Variants in GALNTL6 observed in about 807,000 individuals in gnomAD.
The protein encoded by GALNTL6 is polypeptide N-acetylgalactosaminyltransferase-like 6.
GALNTL6 carries 46 observed loss-of-function variants against 73.7 expected under a neutral mutation model. That is an observed-to-expected ratio of 0.62 (90% CI 0.49 to 0.80). The LOEUF (loss-of-function observed/expected upper bound fraction) is 0.80, where lower values mean the gene tolerates loss of function less well. Among genes scored for constraint, GALNTL6 ranks in the 30% least tolerant of loss-of-function variants. The pLI, the probability that GALNTL6 is intolerant of heterozygous loss-of-function variation, is 0.00. For synonymous variants in GALNTL6, 259 were observed against 263.7 expected (o/e 0.98, Z 0.17); for missense variants, 604 against 755.0 (o/e 0.80, Z 2.34).
chr4:171,942,151 G>A (rs565330683), intron 2 of GALNTL6, among the ~76,000 whole-genome samples: 1 of 151,956 alleles, frequency 6.6e-6, no homozygotes, highest in African/African-American at 2.4e-5. Flanking sequence ...AGCACTTTGG[G>A]AGGCCATGGT....
At chr4:172,466,902 GATTTGC>G (rs1561096493) in intron 5 of GALNTL6, among the ~76,000 whole-genome samples, 1 of 150,938 alleles carries the variant, frequency 6.6e-6, no homozygotes, top group Admixed American at 6.6e-5. Flanking sequence ...AATCTTACGA[GATTTGC>G]ATTTACATTT....
At position 172,552,844 on chromosome 4, in the gene GALNTL6, A is replaced by AAAAAAAAC. The variant is rs1553960363; in HGVS notation, c.553+204162_553+204163insCAAAAAAA. Among the ~76,000 whole-genome samples, 28 of 149,844 alleles carry AAAAAAAAC rather than the reference A, an allele frequency of 1.9e-4. No homozygotes were observed. In the South Asian group the frequency reaches 5.7e-3, roughly 31 times the overall value. The stretch of plus-strand genomic sequence containing the variant: ...GTGCAAAAGTAATTGCAGTAAAAAA[A>AAAAAAAAC]AAAAAAAAAAAAAGGTAAAAACCGC... On this transcript the variant is annotated intron_variant, in intron 5 of 12. Coordinates refer to ENST00000506823, the MANE Select transcript of GALNTL6 (RefSeq NM_001034845.3).
chr4:172,451,943 T>G (rs1419141724), intron 5 of GALNTL6, among the ~76,000 whole-genome samples: 1 of 152,124 alleles, frequency 6.6e-6, no homozygotes, highest in Non-Finnish European at 1.5e-5. Context: ...CCCGGGAAGT[T>G]GAGGCTGCAA....
At chr4:171,952,824 T>A (rs1738923539) in intron 2 of GALNTL6, among the ~76,000 whole-genome samples, 1 of 151,774 alleles carries the variant, frequency 6.6e-6, no homozygotes, top group African/African-American at 2.4e-5. Context: ...TACCTTTGGG[T>A]TATAGTGATT....
chr4:172,302,828 T>G lies in GALNTL6; in HGVS notation c.248-8786T>G, dbSNP rs571883996. Among the ~76,000 whole-genome samples, 4 of 152,126 alleles carry G rather than the reference T, an allele frequency of 2.6e-5. No homozygotes were observed. In the East Asian group the frequency reaches 7.7e-4, roughly 29 times the overall value. ...GGTAACTTTTTTTTTTAAGAAGGAA[T>G]CTATTCATTTAAGTTTGGCTGTTTG... On this transcript the variant is annotated intron_variant, in intron 3 of 12. Coordinates refer to ENST00000506823, the MANE Select transcript of GALNTL6 (RefSeq NM_001034845.3).
At chr4:172,101,288 C>T (rs1440357249) in intron 2 of GALNTL6, among the ~76,000 whole-genome samples, 2 of 152,132 alleles carry the variant, frequency 1.3e-5, no homozygotes, top group Non-Finnish European at 2.9e-5. Flanking sequence ...ATGCTCTTTC[C>T]AATCCATAGC....
intron 5 of GALNTL6, among the ~76,000 whole-genome samples, chr4:172,649,187 T>C (rs1280683076): frequency 1.3e-5 from 2 of 152,174 alleles, no homozygotes; most frequent in Non-Finnish European, 2.9e-5. Context: ...AGTCACATTC[T>C]CAGTTTATTT....
chr4:172,679,659 GTTA>G (rs1732520411), intron 5 of GALNTL6, among the ~76,000 whole-genome samples: 1 of 152,098 alleles, frequency 6.6e-6, no homozygotes, highest in South Asian at 2.1e-4. Context: ...TACTCAACCT[GTTA>G]TTATTATCAT....
In GALNTL6 at chr4:172,130,730, G is replaced by A. The variant is rs143431075; in HGVS notation, c.139-98926G>A. ...CATGATTTTTAACATGAAAATTACC[G>A]CAGTTTTATAGAACAGAAATTGAAA... On this transcript the variant is annotated intron_variant, in intron 2 of 12. Coordinates refer to ENST00000506823, the MANE Select transcript of GALNTL6 (RefSeq NM_001034845.3). Among the ~76,000 whole-genome samples the A allele has an allele frequency of 8.6e-3, 1,305 of 152,052 alleles. 5 individuals are homozygous for A. The highest frequency in any genetic ancestry group is 0.016 in the Admixed American group (246 of 15,252).
At chr4:172,757,167 C>G (rs1437256405) in intron 5 of GALNTL6, among the ~76,000 whole-genome samples, 1 of 152,114 alleles carries the variant, frequency 6.6e-6, no homozygotes, top group Non-Finnish European at 1.5e-5. Flanking sequence ...AACCTTTGCC[C>G]TCTGAAATAC....
At chr4:172,913,138 T>A (rs1485215743) in intron 8 of GALNTL6, among the ~76,000 whole-genome samples, 4 of 151,966 alleles carry the variant, frequency 2.6e-5, no homozygotes, top group African/African-American at 9.7e-5. Context: ...CTCCAACAGA[T>A]CTGCAGCTAA....
At chr4:172,740,787 A>C (rs1226212499) in intron 5 of GALNTL6, among the ~76,000 whole-genome samples, 1 of 152,094 alleles carries the variant, frequency 6.6e-6, no homozygotes, top group African/African-American at 2.4e-5. Context: ...TAGTGTGTGT[A>C]GGTGTAAGAC....
chr4:171,836,343 T>C (rs1368025873), intron 2 of GALNTL6, among the ~76,000 whole-genome samples: 1 of 152,078 alleles, frequency 6.6e-6, no homozygotes, highest in Non-Finnish European at 1.5e-5. Flanking sequence ...CTGATGAACT[T>C]TGGGGGCAAC....
intron 2 of GALNTL6, among the ~76,000 whole-genome samples, chr4:172,098,919 T>C (rs1221055850): frequency 6.6e-6 from 1 of 152,156 alleles, no homozygotes; most frequent in Non-Finnish European, 1.5e-5. Flanking sequence ...GTTGGCAGAC[T>C]CTGACATAGG....
intron 2 of GALNTL6, among the ~76,000 whole-genome samples, chr4:172,026,592 A>G (rs957959297): frequency 3.9e-5 from 6 of 152,254 alleles, no homozygotes; most frequent in African/African-American, 1.4e-4. Context: ...TTTTGAAAGG[A>G]CTAAGTTTCA....
At chr4:172,434,632 G>T (rs963366352) in intron 5 of GALNTL6, among the ~76,000 whole-genome samples, 1 of 151,994 alleles carries the variant, frequency 6.6e-6, no homozygotes, top group African/African-American at 2.4e-5. Context: ...TTGCCTTCCT[G>T]TTTCAGCAGA....
intron 5 of GALNTL6, among the ~76,000 whole-genome samples, chr4:172,709,984 C>A (rs919783310): frequency 1.3e-5 from 2 of 151,732 alleles, no homozygotes; most frequent in African/African-American, 4.8e-5. Flanking sequence ...ATGATGAACA[C>A]TAAAAGGTTA....
intron 3 of GALNTL6, among the ~76,000 whole-genome samples, chr4:172,275,436 T>C (rs1414947344): frequency 6.6e-6 from 1 of 152,154 alleles, no homozygotes; most frequent in Non-Finnish European, 1.5e-5. Flanking sequence ...CTGGGTGAAC[T>C]TGAGAAAGTC....
chr4:172,191,335 C>T (rs1735577925), intron 2 of GALNTL6, among the ~76,000 whole-genome samples: 1 of 152,168 alleles, frequency 6.6e-6, no homozygotes, highest in Admixed American at 6.6e-5. Flanking sequence ...TTATCATCAC[C>T]TTTCTGTTCA....
Sources: gnomAD v4.1 joint callset for allele counts (sites outside exome capture counted in the v4.1 genomes callset) on GRCh38, gnomAD v4.1.1 for gene constraint, MANE v1.5 for transcripts, NCBI Gene and HGNC (gene_info 2026-07-23, HGNC 2026-07-21) for gene names.